Variants in SGSM3 observed in about 807,000 individuals in gnomAD.
SGSM3 encodes small G protein signaling modulator 3.
In SGSM3, 96 loss-of-function variants were observed where a neutral mutation model predicts 100.5. The observed-to-expected ratio is 0.96, with a 90% CI of 0.81 to 1.13. The LOEUF (loss-of-function observed/expected upper bound fraction) is 1.13. Among genes scored for constraint, SGSM3 ranks in the 50% most tolerant of loss-of-function variants. The pLI is 0.00. For synonymous variants in SGSM3, 483 were observed against 422.8 expected, an observed-to-expected ratio of 1.14 and a Z score of -1.75; for missense variants, 1,001 against 1,015.8, an observed-to-expected ratio of 0.99 and a Z score of 0.20.
rs776244041 is a variant in SGSM3 at position 40,409,802 on chromosome 22, G to GC, written c.*46dup. On this transcript the variant is annotated 3_prime_UTR_variant, in exon 22 of 22. Transcript: ENST00000248929. ...CAACCTCGGGCCTGCGTCTGAGGTGGCCCAGGACCCCAAGCTGCAGAGCCC... is the reference window on the plus strand; with the variant it reads ...CAACCTCGGGCCTGCGTCTGAGGTGGCCCCAGGACCCCAAGCTGCAGAGCCC... 6 of 1,584,122 alleles carry GC rather than the reference G, an allele frequency of 3.8e-6. No individual in the cohort carries two copies. In the Admixed American group the frequency reaches 8.7e-5, roughly 23 times the overall value.
intron 7 of SGSM3, 74 bp from the exon 8 acceptor site, chr22:40,405,575 C>G (rs997611337): frequency 2.1e-5 from 30 of 1,420,376 alleles, no homozygotes; most frequent in Non-Finnish European, 2.9e-5. Flanking sequence ...AATTGGTCTC[C>G]CTAGGGTAGG....
chr22:40,389,916 G>GAAA (rs34606137), intron 1 of SGSM3, among the ~76,000 whole-genome samples: 4 of 104,930 alleles, frequency 3.8e-5, no homozygotes, highest in African/African-American at 1.1e-4. Flanking sequence ...AAAAAAAAAA[G>GAAA]AAAAAAAAAA....
chr22:40,395,797 C>G (rs887759220), intron 1 of SGSM3, among the ~76,000 whole-genome samples: 1 of 152,236 alleles, frequency 6.6e-6, no homozygotes, highest in African/African-American at 2.4e-5. Flanking sequence ...GCGGCAAGGC[C>G]TGTTGATTCT....
At chr22:40,389,904 CAAAAAAAAAAAGAAA>C (rs1385703863) in intron 1 of SGSM3, among the ~76,000 whole-genome samples, 1 of 58,510 alleles carries the variant, frequency 1.7e-5, no homozygotes, top group Non-Finnish European at 3.3e-5. Context: ...AACTCCGTCT[CAAAAAAAAAAAGAAA>C]AAAAAAAAAA....
At chr22:40,376,937 A>T (rs1292453499) in intron 1 of SGSM3, among the ~76,000 whole-genome samples, 1 of 152,216 alleles carries the variant, frequency 6.6e-6, no homozygotes, top group Admixed American at 6.5e-5. Context: ...TTTGATTGTC[A>T]TAGGAATAAC....
chr22:40,389,600 G>GAAA (rs71326802), intron 1 of SGSM3, among the ~76,000 whole-genome samples: 10 of 33,646 alleles, frequency 3.0e-4, no homozygotes, highest in African/African-American at 5.3e-4. Context: ...CTCCGTCTCA[G>GAAA]AAAAAAAAAA....
At chr22:40,404,813 AGAATTG>A (rs2051235364) in intron 6 of SGSM3, 149 bp downstream of exon 6, 1 of 675,422 alleles carries the variant, frequency 1.5e-6, no homozygotes, top group African/African-American at 1.8e-5. Context: ...GGCCAAAGAA[AGAATTG>A]TCCAAAAGGC....
chr22:40,408,725 G>T, intron 17 of SGSM3, 28 bp downstream of exon 17: 1 of 1,613,712 alleles, frequency 6.2e-7, no homozygotes, highest in Non-Finnish European at 8.5e-7. Flanking sequence ...CTTCTGGTGG[G>T]GTCACCAGCA....
At chr22:40,402,723 G>A (rs2146964391) in intron 4 of SGSM3, among the ~76,000 whole-genome samples, 1 of 152,318 alleles carries the variant, frequency 6.6e-6, no homozygotes, top group South Asian at 2.1e-4. Context: ...TAGGCAACAA[G>A]AGCAAACCTC....
intron 1 of SGSM3, among the ~76,000 whole-genome samples, chr22:40,383,344 G>A (rs982242027): frequency 1.3e-5 from 2 of 151,970 alleles, no homozygotes; most frequent in Non-Finnish European, 2.9e-5. Flanking sequence ...GCAGGTGCCT[G>A]TATTCCCAGC....
chr22:40,393,374 C>G lies in SGSM3; in HGVS notation c.-111-7322C>G, dbSNP rs146696948. ...CTCAGGTGATCCGCCTGCCTTGGGT[C>G]ACCCAAAGAGCTGGGATTATAGGCG... On this transcript the variant is annotated intron_variant, in intron 1 of 21. Coordinates refer to ENST00000248929, the MANE Select transcript of SGSM3 (RefSeq NM_015705.6). Among the ~76,000 whole-genome samples, 321 of 152,358 alleles carry G rather than the reference C, an allele frequency of 2.1e-3. 1 individual carries two copies. The highest frequency in any genetic ancestry group is 8.4e-3 in the Admixed American group (128 of 15,302).
chr22:40,394,205 A>G (rs2049746587), intron 1 of SGSM3, among the ~76,000 whole-genome samples: 1 of 152,204 alleles, frequency 6.6e-6, no homozygotes, highest in Non-Finnish European at 1.5e-5. Flanking sequence ...TGTAAGGTGC[A>G]AACTTGACAT....
chr22:40,405,692 T>C lies in SGSM3; in HGVS notation c.662T>C (p.Phe221Ser). The C allele has an allele frequency of 6.2e-7, 1 of 1,613,684 alleles. No individual in the cohort carries two copies. Among genetic ancestry groups the C allele is most frequent in the Non-Finnish European group, 8.5e-7 (1 of 1,179,892 alleles). Residue 221 changes from phenylalanine to serine, a missense_variant, in exon 8 of 22, where the codon TTC becomes TCC. By Grantham distance (155) the Phe-to-Ser change is radical (BLOSUM62 -2). Coordinates refer to ENST00000248929, the MANE Select transcript of SGSM3 (RefSeq NM_015705.6). ...LLLFLEEEDA[F>S]WMMSAIIEDL... ...CTGTTCCTGGAGGAGGAGGACGCCT[T>C]CTGGATGATGTCTGCCATCATCGAG...
At chr22:40,384,441 A>T (rs2048095056) in intron 1 of SGSM3, among the ~76,000 whole-genome samples, 1 of 151,956 alleles carries the variant, frequency 6.6e-6, no homozygotes, top group South Asian at 2.1e-4. Flanking sequence ...ACATAGGGAG[A>T]CCCCCATCTC....
chr22:40,395,719 G>A (rs1054194536), intron 1 of SGSM3, among the ~76,000 whole-genome samples: 1 of 152,110 alleles, frequency 6.6e-6, no homozygotes, highest in Admixed American at 6.5e-5. Context: ...CATAAGCCCA[G>A]GAGTACAGAC....
At chr22:40,371,417 G>T (rs981427292) in intron 1 of SGSM3, among the ~76,000 whole-genome samples, 2 of 152,112 alleles carry the variant, frequency 1.3e-5, no homozygotes, top group Admixed American at 1.3e-4. Context: ...TTGTTTTGCG[G>T]TGGGATAGAG....
At chr22:40,381,606 G>A (rs758733978) in intron 1 of SGSM3, among the ~76,000 whole-genome samples, 5 of 152,124 alleles carry the variant, frequency 3.3e-5, no homozygotes, top group Non-Finnish European at 7.3e-5. Context: ...AAGCATGAGA[G>A]CCCTTTATTA....
chr22:40,377,274 A>G (rs1436506484), intron 1 of SGSM3, among the ~76,000 whole-genome samples: 1 of 152,216 alleles, frequency 6.6e-6, no homozygotes, highest in Non-Finnish European at 1.5e-5. Context: ...TTTAATTTGA[A>G]TCTTAGGTTG....
rs868745609 is a variant in SGSM3 at position 40,402,261 on chromosome 22, C to T, written c.157+56C>T. ...TGCTGATGTTCTTTGGGGAGGACTC[C>T]GCTCCCTTGACTGAATTACTCGGCC... On this transcript the variant is annotated intron_variant, in intron 4 of 21. Coordinates refer to ENST00000248929, the MANE Select transcript of SGSM3 (RefSeq NM_015705.6). 4.8e-5 allele frequency: 65 copies of T among 1,348,664 alleles called. 1 individual carries two copies. The Middle Eastern group carries it at 1.1e-3, about 22-fold the overall frequency. The allele number at this position is 1,348,664 out of a possible 1,614,324, so 83.5% of individuals were successfully genotyped here. A position where few individuals can be genotyped will look rare whatever the true frequency, so the allele number is the denominator to read the frequency against.
Sources: allele counts gnomAD v4.1 joint callset (sites outside exome capture counted in the v4.1 genomes callset), GRCh38; gene constraint gnomAD v4.1.1; transcripts MANE v1.5; gene names NCBI Gene and HGNC (gene_info 2026-07-23, HGNC 2026-07-21).